Variants in MAST2 observed in about 807,000 individuals in gnomAD.
MAST2 encodes microtubule associated serine/threonine kinase 2.
MAST2 carries 70 observed loss-of-function variants against 147.4 expected under a neutral mutation model. The observed-to-expected ratio is 0.47, with a 90% CI of 0.39 to 0.58. The LOEUF is 0.58. Among genes scored for constraint, MAST2 ranks in the 20% least tolerant of loss-of-function variants. The pLI, the probability that MAST2 is intolerant of heterozygous loss-of-function variation, is 0.00. For synonymous variants in MAST2, 869 were observed against 896.8 expected, an observed-to-expected ratio of 0.97 and a Z score of 0.55; for missense variants, 2,080 against 2,302.3, an observed-to-expected ratio of 0.90 and a Z score of 1.98.
At chr1:45,828,993 C>T (rs546532953) in intron 2 of MAST2, among the ~76,000 whole-genome samples, 21 of 152,012 alleles carry the variant, frequency 1.4e-4, no homozygotes, top group Admixed American at 2.0e-4. Flanking sequence ...AAGTGACTCT[C>T]TTTCATTGAG....
chr1:45,821,037 C>A (rs1248792281), intron 1 of MAST2, among the ~76,000 whole-genome samples: 1 of 150,996 alleles, frequency 6.6e-6, no homozygotes, highest in East Asian at 1.9e-4. Flanking sequence ...GTAGCTGGGA[C>A]CACAGGTACA....
chr1:45,973,108 C>T (rs1643987187), intron 5 of MAST2, among the ~76,000 whole-genome samples: 1 of 151,984 alleles, frequency 6.6e-6, no homozygotes, highest in Non-Finnish European at 1.5e-5. Context: ...AATTTTAGCT[C>T]TTGACTCCAA....
intron 5 of MAST2, among the ~76,000 whole-genome samples, chr1:45,961,141 A>T (rs974071331): frequency 1.3e-5 from 2 of 152,108 alleles, no homozygotes; most frequent in African/African-American, 4.8e-5. Context: ...ACAAGCTGTC[A>T]CTTTAGAAGA....
At chr1:45,941,800 T>A (rs2148805338) in intron 4 of MAST2, among the ~76,000 whole-genome samples, 1 of 152,340 alleles carries the variant, frequency 6.6e-6, no homozygotes, top group Non-Finnish European at 1.5e-5. Context: ...AAGCATTCAG[T>A]CTTGTTGTCA....
intron 3 of MAST2, among the ~76,000 whole-genome samples, chr1:45,832,598 T>G (rs1644992909): frequency 6.6e-6 from 1 of 152,148 alleles, no homozygotes; most frequent in African/African-American, 2.4e-5. Flanking sequence ...CTGGCCTGTA[T>G]TTTCTTTAAA....
chr1:45,803,815 T>C lies in MAST2; in HGVS notation c.-81T>C, dbSNP rs1304047030. Reference sequence around the variant, plus strand: ...GGCCATGGTGGCCGCGGGTGGTGGTTGGCGCGGCTGCGCTGCGGCCCGGGG... The same window carrying C: ...GGCCATGGTGGCCGCGGGTGGTGGTCGGCGCGGCTGCGCTGCGGCCCGGGG... On this transcript the variant is annotated 5_prime_UTR_variant, in exon 1 of 29. Coordinates refer to ENST00000361297, the MANE Select transcript of MAST2 (RefSeq NM_015112.3). 6 of 387,148 alleles carry C rather than the reference T, an allele frequency of 1.5e-5. No homozygotes were observed. Among genetic ancestry groups the C allele is most frequent in the Non-Finnish European group, 2.7e-5 (6 of 225,836 alleles). 24.0% of individuals were successfully genotyped at this position (387,148 alleles called of 1,614,324 possible). A position where few individuals can be genotyped will look rare whatever the true frequency, so the allele number is the denominator to read the frequency against.
At chr1:45,846,917 G>T in intron 3 of MAST2, 1 of 203,430 alleles carries the variant, frequency 4.9e-6, no homozygotes, top group Admixed American at 6.1e-5. Context: ...CTTGTATCTT[G>T]ATGATTATGT....
intron 4 of MAST2, among the ~76,000 whole-genome samples, chr1:45,928,816 T>TC (rs967495216): frequency 7.0e-4 from 106 of 152,212 alleles, no homozygotes; most frequent in African/African-American, 2.5e-3. Context: ...TTTATTTTAA[T>TC]CTAGGGTGTT....
intron 4 of MAST2, among the ~76,000 whole-genome samples, chr1:45,883,878 A>G (rs1017627416): frequency 1.5e-5 from 1 of 68,072 alleles, no homozygotes; most frequent in Non-Finnish European, 2.7e-5. Context: ...ATAGTCAGGA[A>G]ATATTTGTAC....
intron 10 of MAST2, among the ~76,000 whole-genome samples, chr1:46,011,261 G>A (rs757034478): frequency 2.6e-5 from 4 of 152,176 alleles, no homozygotes; most frequent in Non-Finnish European, 4.4e-5. Flanking sequence ...GCCAAAAAGT[G>A]GCTCCAGTGG....
rs6679310 is a variant in MAST2, at chr1:45,845,639, A to G, written c.468+16058A>G. On this transcript the variant is annotated intron_variant, in intron 3 of 28. Coordinates refer to ENST00000361297, the MANE Select transcript of MAST2 (RefSeq NM_015112.3). ...AATTTATCTCTTAGAAGAAAAAGTA[A>G]CATAATTAAAATCACTGGGTCTCTA... is the stretch of plus-strand genomic sequence containing the variant. 4.3e-3 allele frequency among the ~76,000 whole-genome samples: 649 copies of G among 152,370 alleles called. 5 individuals carry two copies. Among genetic ancestry groups the G allele is most frequent in the African/African-American group, 0.015 (605 of 41,594 alleles).
intron 5 of MAST2, 34 bp from the exon 6 acceptor site, chr1:45,997,690 C>T: frequency 1.3e-6 from 2 of 1,558,260 alleles, no homozygotes; most frequent in Non-Finnish European, 1.8e-6. Flanking sequence ...CACAAGCAAA[C>T]CTCACAGAGT....
chr1:45,809,684 CA>C (rs1192079277), intron 1 of MAST2, among the ~76,000 whole-genome samples: 1 of 152,064 alleles, frequency 6.6e-6, no homozygotes, highest in Non-Finnish European at 1.5e-5. Flanking sequence ...ACCACACACC[CA>C]AAAAGAAACT....
In MAST2 at chr1:46,030,620, T is replaced by C. The variant is rs1557511039; in HGVS notation, c.2567T>C (p.Met856Thr). The C allele has an allele frequency of 6.2e-7, 1 of 1,610,076 alleles. No homozygotes were observed. Among genetic ancestry groups the C allele is most frequent in the East Asian group, 2.2e-5 (1 of 44,790 alleles). Reference sequence around the variant, plus strand: ...CTGTGCCCACAGGTGTACAGCAGCATGGAGCGGCTCTCACTGCTCGAGGAG... The same window carrying C: ...CTGTGCCCACAGGTGTACAGCAGCACGGAGCGGCTCTCACTGCTCGAGGAG... ...SPRFNKVYSS[M>T]ERLSLLEERR... The change falls in exon 22 of 29, where the codon ATG becomes ACG. Residue 856 changes from methionine (M) to threonine (T), a missense_variant. Coordinates refer to ENST00000361297, the MANE Select transcript of MAST2 (RefSeq NM_015112.3).
intron 4 of MAST2, among the ~76,000 whole-genome samples, chr1:45,901,094 G>A (rs910386086): frequency 6.6e-6 from 1 of 152,114 alleles, no homozygotes; most frequent in Non-Finnish European, 1.5e-5. Context: ...GTCCATAAGA[G>A]TTTTTCCTAG....
intron 4 of MAST2, among the ~76,000 whole-genome samples, chr1:45,937,622 C>T (rs1044858898): frequency 1.3e-5 from 2 of 151,566 alleles, no homozygotes; most frequent in Non-Finnish European, 2.9e-5. Flanking sequence ...TGTAGTGTCG[C>T]GTGCCTGTAA....
At chr1:45,847,644 T>C in intron 3 of MAST2, 1 of 492,670 alleles carries the variant, frequency 2.0e-6, no homozygotes, top group Non-Finnish European at 3.6e-6. Context: ...AGCTCTGCAC[T>C]CTAGACCCAG....
intron 5 of MAST2, among the ~76,000 whole-genome samples, chr1:45,989,669 G>A (rs142771442): frequency 1.3e-5 from 2 of 151,898 alleles, no homozygotes; most frequent in African/African-American, 2.4e-5. Flanking sequence ...GTAATGTCAC[G>A]TATCTGCCAC....
chr1:45,868,035 A>G (rs1646231192), intron 3 of MAST2, among the ~76,000 whole-genome samples: 1 of 152,178 alleles, frequency 6.6e-6, no homozygotes, highest in Non-Finnish European at 1.5e-5. Context: ...CAACATCCCT[A>G]CATCTTAATG....
Sources: allele counts gnomAD v4.1 joint callset (sites outside exome capture counted in the v4.1 genomes callset), GRCh38; gene constraint gnomAD v4.1.1; transcripts MANE v1.5; gene names NCBI Gene and HGNC (gene_info 2026-07-23, HGNC 2026-07-21).